Variants in SNTG1 observed in about 807,000 individuals in gnomAD.
The protein encoded by SNTG1 is gamma-1-syntrophin.
In SNTG1, 39 loss-of-function variants were observed where a neutral mutation model predicts 74.7. That is an observed-to-expected ratio of 0.52 (90% confidence interval 0.40 to 0.68). SNTG1 has a LOEUF of 0.68. Ranked by LOEUF, SNTG1 falls within the 30% of genes least tolerant of loss-of-function variation. SNTG1 has a pLI of 0.00. For synonymous variants in SNTG1, 254 were observed against 217.1 expected (o/e 1.17, Z -1.49); for missense variants, 685 against 609.5 (o/e 1.12, Z -1.30).
chr8:49,938,603 T>TTTTCTTTCTTTCTCTTTCTTTCTTTC (rs1808367102), intron 1 of SNTG1, among the ~76,000 whole-genome samples: 2 of 74,754 alleles, frequency 2.7e-5, no homozygotes, highest in Non-Finnish European at 5.5e-5. Context: ...TTTTCTTTTC[T>TTTTCTTTCTTTCTCTTTCTTTCTTTC]TTTCTTTCTT....
chr8:50,732,783 T>A lies in SNTG1; in HGVS notation c.1285-19218T>A, dbSNP rs1239709537. Among the ~76,000 whole-genome samples the A allele has an allele frequency of 1.3e-5, 2 of 152,128 alleles. 1 individual carries two copies. Among genetic ancestry groups the A allele is most frequent in the Middle Eastern group, 6.8e-3 (2 of 294 alleles). On this transcript the variant is annotated intron_variant, in intron 17 of 18. Coordinates refer to ENST00000642720, the MANE Select transcript of SNTG1 (RefSeq NM_018967.5). ...TAATTTTCAGTGATCTTTACTAATA[T>A]AATGATGAAAAAAACAGTCTCTGTA...
intron 2 of SNTG1, among the ~76,000 whole-genome samples, chr8:50,189,188 TA>T (rs1163441083): frequency 6.6e-6 from 1 of 152,146 alleles, no homozygotes; most frequent in Non-Finnish European, 1.5e-5. Context: ...GAAAGACACA[TA>T]ATTAAGCCAT....
intron 1 of SNTG1, among the ~76,000 whole-genome samples, chr8:49,915,805 A>T (rs187765573): frequency 6.6e-6 from 1 of 152,324 alleles, no homozygotes; most frequent in African/African-American, 2.4e-5. Context: ...TGTGGACAAC[A>T]TGCGGGCTGA....
intron 2 of SNTG1, among the ~76,000 whole-genome samples, chr8:50,342,119 G>A (rs1479270820): frequency 6.6e-6 from 1 of 151,978 alleles, no homozygotes; most frequent in African/African-American, 2.4e-5. Context: ...TATGTAACTT[G>A]TTTTTGCTTC....
intron 1 of SNTG1, among the ~76,000 whole-genome samples, chr8:50,155,598 C>A (rs937269115): frequency 6.6e-6 from 1 of 151,726 alleles, no homozygotes; most frequent in Non-Finnish European, 1.5e-5. Context: ...AAGCTATGCA[C>A]AGGAAACCAC....
chr8:50,430,029 A>G (rs896747067), intron 4 of SNTG1, among the ~76,000 whole-genome samples: 1 of 152,180 alleles, frequency 6.6e-6, no homozygotes, highest in Admixed American at 6.6e-5. Flanking sequence ...ACATGGCCAC[A>G]TTGAAAAACA....
intron 15 of SNTG1, among the ~76,000 whole-genome samples, chr8:50,683,709 A>G (rs1265163945): frequency 6.6e-6 from 1 of 152,164 alleles, no homozygotes; most frequent in Non-Finnish European, 1.5e-5. Flanking sequence ...CTGCTACTTT[A>G]TGGCTTTTAC....
intron 15 of SNTG1, among the ~76,000 whole-genome samples, chr8:50,681,617 TGA>T (rs2095331246): frequency 6.6e-6 from 1 of 152,216 alleles, no homozygotes; most frequent in Non-Finnish European, 1.5e-5. Context: ...AAGTATTTTT[TGA>T]GTGTTGTACT....
intron 15 of SNTG1, among the ~76,000 whole-genome samples, chr8:50,697,738 T>G (rs969098159): frequency 6.6e-6 from 1 of 152,174 alleles, no homozygotes; most frequent in Non-Finnish European, 1.5e-5. Context: ...TGTATGACAT[T>G]TATTTGTGTG....
In SNTG1 at chr8:50,670,563, A is replaced by G. The variant is rs1255084708; in HGVS notation, c.1038+11900A>G. Among the ~76,000 whole-genome samples, 296 of 149,082 alleles carry G rather than the reference A, an allele frequency of 2.0e-3. 2 individuals carry two copies. Among genetic ancestry groups the G allele is most frequent in the African/African-American group, 7.2e-3 (284 of 39,612 alleles). On this transcript the variant is annotated intron_variant, in intron 15 of 18. Coordinates refer to ENST00000642720, the MANE Select transcript of SNTG1 (RefSeq NM_018967.5). ...AAAGAGGATACAAACAAATGGAAGAACATTCCATGCTCATGGGTAGGAAGA... is the reference window on the plus strand; with the variant it reads ...AAAGAGGATACAAACAAATGGAAGAGCATTCCATGCTCATGGGTAGGAAGA...
At chr8:50,391,007 C>T (rs1249888373) in intron 2 of SNTG1, among the ~76,000 whole-genome samples, 1 of 152,128 alleles carries the variant, frequency 6.6e-6, no homozygotes, top group Non-Finnish European at 1.5e-5. Context: ...ACAATCATGT[C>T]ATCTGCAAAC....
rs181260779 is a variant in SNTG1 at position 49,921,663 on chromosome 8, C to G, written c.-103+9432C>G. 2.0e-5 allele frequency among the ~76,000 whole-genome samples: 3 copies of G among 152,138 alleles called. No individual in the cohort carries two copies. The East Asian group carries it at 5.8e-4, about 29-fold the overall frequency. Reference sequence around the variant, plus strand: ...AGTGCTTTGTTGCATTTGATCAGATCAGGTCTGTCTGTGGTGATTAAGGTC... The same window carrying G: ...AGTGCTTTGTTGCATTTGATCAGATGAGGTCTGTCTGTGGTGATTAAGGTC... On this transcript the variant is annotated intron_variant, in intron 1 of 18. Transcript: ENST00000642720.
chr8:50,069,015 T>G (rs1452586792), intron 1 of SNTG1, among the ~76,000 whole-genome samples: 1 of 152,272 alleles, frequency 6.6e-6, no homozygotes, highest in East Asian at 1.9e-4. Context: ...ATCTTATTTA[T>G]GATTTACAAT....
intron 2 of SNTG1, among the ~76,000 whole-genome samples, chr8:50,197,446 G>C (rs920837661): frequency 3.9e-5 from 6 of 152,034 alleles, no homozygotes; most frequent in African/African-American, 1.4e-4. Context: ...GTTAATAGGT[G>C]CACCTTTTCT....
intron 8 of SNTG1, among the ~76,000 whole-genome samples, chr8:50,480,183 C>T (rs893764876): frequency 6.6e-6 from 1 of 151,946 alleles, no homozygotes. Context: ...CACTCTCCTC[C>T]CACCTTCTTG....
Position 50,587,259 on chromosome 8 carries a change from T to C in SNTG1, c.811-3620T>C, listed in dbSNP as rs569421208. 8.6e-5 allele frequency among the ~76,000 whole-genome samples: 13 copies of C among 152,036 alleles called. No individual in the cohort carries two copies. In the East Asian group the frequency reaches 2.5e-3, roughly 29 times the overall value. ...ATGTATGTATGCATATATATGTGTA[T>C]ATGTAATTTTTAAAATACTGCATAA... On this transcript the variant is annotated intron_variant, in intron 12 of 18. Coordinates refer to ENST00000642720, the MANE Select transcript of SNTG1 (RefSeq NM_018967.5).
chr8:49,932,235 G>A (rs1382831608), intron 1 of SNTG1, among the ~76,000 whole-genome samples: 3 of 152,078 alleles, frequency 2.0e-5, no homozygotes, highest in Middle Eastern at 3.2e-3. Flanking sequence ...AACATAGTAA[G>A]TGCTCAAACA....
intron 2 of SNTG1, among the ~76,000 whole-genome samples, chr8:50,312,542 G>C (rs529694140): frequency 1.0e-4 from 15 of 148,624 alleles, no homozygotes; most frequent in Non-Finnish European, 2.1e-4. Context: ...CCTCAAGGAG[G>C]AAAGAGATTG....
intron 2 of SNTG1, among the ~76,000 whole-genome samples, chr8:50,245,091 C>T (rs978163369): frequency 3.3e-5 from 5 of 152,256 alleles, no homozygotes; most frequent in South Asian, 4.1e-4. Context: ...TAGGAATCAT[C>T]TCAGTGCATG....
Sources: gnomAD v4.1 joint callset for allele counts (sites outside exome capture counted in the v4.1 genomes callset) on GRCh38, gnomAD v4.1.1 for gene constraint, MANE v1.5 for transcripts, NCBI Gene and HGNC (gene_info 2026-07-23, HGNC 2026-07-21) for gene names.